The following TNFAIP8 variants were observed in gnomAD, a reference collection of about 807,000 sequenced individuals.
The protein encoded by TNFAIP8 is tumor necrosis factor alpha-induced protein 8.
Under a neutral mutation model 13.3 loss-of-function variants are expected in TNFAIP8, and 7 were observed. The ratio of observed to expected loss-of-function variants is 0.52; its 90% confidence interval spans 0.30 to 0.99. The LOEUF (loss-of-function observed/expected upper bound fraction) is 0.99, where lower values mean the gene tolerates loss of function less well. Among genes scored for constraint, TNFAIP8 ranks in the 50% least tolerant of loss-of-function variants. The probability of loss-of-function intolerance (pLI) is 0.07; values close to 1 mark genes in which losing one functional copy is unlikely to be tolerated. For missense variants in TNFAIP8, 258 were observed against 236.9 expected (o/e 1.09, Z -0.58); for synonymous variants, 94 against 87.6 (o/e 1.07, Z -0.41).
intron 1 of TNFAIP8, among the ~76,000 whole-genome samples, chr5:119,383,318 G>A (rs577074644): frequency 5.9e-5 from 9 of 152,304 alleles, no homozygotes; most frequent in East Asian, 1.9e-4. Flanking sequence ...TTGTCATGGT[G>A]TAATTACTAA....
chr5:119,348,951 C>G (rs1230080711), intron 1 of TNFAIP8, among the ~76,000 whole-genome samples: 1 of 150,344 alleles, frequency 6.7e-6, no homozygotes, highest in Non-Finnish European at 1.5e-5. Context: ...GAGTTCCACA[C>G]TGTGATTTTT....
chr5:119,361,233 G>T (rs1237756919), intron 1 of TNFAIP8, among the ~76,000 whole-genome samples: 1 of 152,050 alleles, frequency 6.6e-6, no homozygotes, highest in African/African-American at 2.4e-5. Context: ...GCAGCGCACT[G>T]CCCCCCCAGC....
intron 1 of TNFAIP8, among the ~76,000 whole-genome samples, chr5:119,320,950 C>T (rs1481633874): frequency 2.6e-5 from 4 of 152,102 alleles, no homozygotes; most frequent in African/African-American, 9.7e-5. Flanking sequence ...GGCACGGTGG[C>T]TCATGCCTGT....
At chr5:119,379,174 G>A (rs927233946) in intron 1 of TNFAIP8, among the ~76,000 whole-genome samples, 1 of 152,174 alleles carries the variant, frequency 6.6e-6, no homozygotes, top group Admixed American at 6.5e-5. Flanking sequence ...AAATTGAGTT[G>A]ATTTCCTGAT....
chr5:119,350,943 T>C (rs914405731), intron 1 of TNFAIP8, among the ~76,000 whole-genome samples: 2 of 130,834 alleles, frequency 1.5e-5, no homozygotes, highest in African/African-American at 6.5e-5. Context: ...TTTTTAACTC[T>C]ATGTGTATTT....
chr5:119,304,476 A>G (rs17145129), intron 1 of TNFAIP8, among the ~76,000 whole-genome samples: 20,974 of 152,144 alleles, frequency 0.14, 3,854 homozygotes, highest in African/African-American at 0.42. Flanking sequence ...ACAATTCCCT[A>G]TAATGGTCCC....
chr5:119,389,296 A>G (rs1752802139), intron 1 of TNFAIP8, among the ~76,000 whole-genome samples: 1 of 152,190 alleles, frequency 6.6e-6, no homozygotes, highest in South Asian at 2.1e-4. Context: ...GGAAAGAAAA[A>G]TCTTGAATGC....
chr5:119,281,659 G>A (rs892373366), intron 1 of TNFAIP8, among the ~76,000 whole-genome samples: 1 of 152,112 alleles, frequency 6.6e-6, no homozygotes, highest in African/African-American at 2.4e-5. Context: ...AAATGGTTTA[G>A]TACTTCTGCA....
intron 1 of TNFAIP8, among the ~76,000 whole-genome samples, chr5:119,337,720 G>A (rs1464952765): frequency 6.6e-6 from 1 of 152,248 alleles, no homozygotes; most frequent in Non-Finnish European, 1.5e-5. Flanking sequence ...CATTTCTCCA[G>A]TTCCTGTTTA....
intron 1 of TNFAIP8, among the ~76,000 whole-genome samples, chr5:119,366,155 A>G (rs548981863): frequency 9.9e-4 from 151 of 152,184 alleles, no homozygotes; most frequent in African/African-American, 3.5e-3. Flanking sequence ...AATGAAAAAA[A>G]AAAAAAGTAA....
At chr5:119,366,021 G>T (rs1003759833) in intron 1 of TNFAIP8, among the ~76,000 whole-genome samples, 2 of 152,048 alleles carry the variant, frequency 1.3e-5, no homozygotes, top group Non-Finnish European at 2.9e-5. Context: ...GCAGTTGGGA[G>T]CGATGGGGAG....
At chr5:119,309,852 C>T (rs1749677388) in intron 1 of TNFAIP8, among the ~76,000 whole-genome samples, 1 of 152,206 alleles carries the variant, frequency 6.6e-6, no homozygotes, top group African/African-American at 2.4e-5. Context: ...CGGACCATTA[C>T]CTGAATTTCA....
At chr5:119,372,745 A>C (rs1210099132) in intron 1 of TNFAIP8, among the ~76,000 whole-genome samples, 1 of 152,156 alleles carries the variant, frequency 6.6e-6, no homozygotes, top group Non-Finnish European at 1.5e-5. Flanking sequence ...GGATCACCTG[A>C]GGTCAGGAGT....
chr5:119,364,436 T>A (rs1197127048), intron 1 of TNFAIP8, among the ~76,000 whole-genome samples: 8 of 152,082 alleles, frequency 5.3e-5, no homozygotes, highest in Admixed American at 5.2e-4. Flanking sequence ...GGCGGGGTCA[T>A]AGCTGGGCTC....
chr5:119,369,798 C>T (rs145938641), intron 1 of TNFAIP8, among the ~76,000 whole-genome samples: 17 of 152,258 alleles, frequency 1.1e-4, no homozygotes, highest in African/African-American at 3.6e-4. Flanking sequence ...TGGCTCCCTT[C>T]GAGCCAGTGT....
intron 1 of TNFAIP8, among the ~76,000 whole-genome samples, chr5:119,344,760 A>C (rs2112738896): frequency 6.6e-6 from 1 of 152,330 alleles, no homozygotes; most frequent in Admixed American, 6.5e-5. Flanking sequence ...TGAGATTAGA[A>C]ATAAGGGGAG....
intron 1 of TNFAIP8, among the ~76,000 whole-genome samples, chr5:119,281,210 C>T (rs1303143661): frequency 3.3e-5 from 5 of 151,794 alleles, no homozygotes; most frequent in Admixed American, 1.3e-4. Context: ...ATAGTCCAGA[C>T]GCTGGGAATC....
At chr5:119,366,379 A>T (rs573326923) in intron 1 of TNFAIP8, among the ~76,000 whole-genome samples, 2 of 152,276 alleles carry the variant, frequency 1.3e-5, no homozygotes, top group South Asian at 4.1e-4. Flanking sequence ...CTGAGGCAGG[A>T]TTAATGCAGA....
intron 1 of TNFAIP8, among the ~76,000 whole-genome samples, chr5:119,361,287 C>G (rs1490896430): frequency 6.6e-6 from 1 of 152,176 alleles, no homozygotes; most frequent in Admixed American, 6.5e-5. Context: ...AAATTTTATT[C>G]TAAAAGTTTA....
Sources: allele counts gnomAD v4.1 joint callset (sites outside exome capture counted in the v4.1 genomes callset), GRCh38; gene constraint gnomAD v4.1.1; transcripts MANE v1.5; gene names NCBI Gene and HGNC (gene_info 2026-07-23, HGNC 2026-07-21).